Variants in GTF2A1 observed in about 807,000 individuals in gnomAD.
GTF2A1 encodes the protein general transcription factor IIA subunit 1.
In GTF2A1, 12 loss-of-function variants were observed where a neutral mutation model predicts 54.1. That is an observed-to-expected ratio of 0.22 (90% CI 0.14 to 0.36). The LOEUF is 0.36. Among genes scored for constraint, GTF2A1 ranks in the 10% least tolerant of loss-of-function variants. The probability of loss-of-function intolerance (pLI) is 1.00; values close to 1 mark genes in which losing one functional copy is unlikely to be tolerated. For missense variants in GTF2A1, 335 were observed against 442.2 expected (o/e 0.76, Z 2.17); for synonymous variants, 145 against 152.0 (o/e 0.95, Z 0.34).
At chr14:81,188,877 T>C (rs1351124058) in intron 7 of GTF2A1, among the ~76,000 whole-genome samples, 2 of 152,184 alleles carry the variant, frequency 1.3e-5, no homozygotes, top group Non-Finnish European at 2.9e-5. Context: ...AGGTCCCTAA[T>C]CCACTTTAAT....
At chr14:81,211,579 A>G (rs1357372059) in intron 2 of GTF2A1, among the ~76,000 whole-genome samples, 1 of 152,024 alleles carries the variant, frequency 6.6e-6, no homozygotes, top group Non-Finnish European at 1.5e-5. Context: ...TTAATCCCCA[A>G]GACCATGGAG....
rs1401756003 is a variant in GTF2A1 at position 81,175,964 on chromosome 14, T to C, written c.*4259A>G. ...CTAGTATTAATCATTTGTAACACAG[T>C]TTACTAATTCAAATTGACATCTCAA... is the stretch of plus-strand genomic sequence containing the variant. On this transcript the variant is annotated 3_prime_UTR_variant, in exon 9 of 9. Coordinates refer to ENST00000553612, the MANE Select transcript of GTF2A1 (RefSeq NM_015859.4). 1.3e-5 allele frequency: 2 copies of C among 152,190 alleles called. No homozygotes were observed. Among genetic ancestry groups the C allele is most frequent in the Admixed American group, 1.3e-4 (2 of 15,278 alleles). 9.4% of individuals were successfully genotyped at this position (152,190 alleles called of 1,614,324 possible). A position where few individuals can be genotyped will look rare whatever the true frequency, so the allele number is the denominator to read the frequency against.
At position 81,178,375 on chromosome 14, in the gene GTF2A1, T is replaced by C. The variant is rs1892570871; in HGVS notation, c.*1848A>G. ...CCTCCCATTTCCTCTTCTCTCAGTCTTAATAATATATATTTTAAAACCTCT... is the reference window on the plus strand; with the variant it reads ...CCTCCCATTTCCTCTTCTCTCAGTCCTAATAATATATATTTTAAAACCTCT... On this transcript the variant is annotated 3_prime_UTR_variant, in exon 9 of 9. Coordinates refer to ENST00000553612, the MANE Select transcript of GTF2A1 (RefSeq NM_015859.4). 2 of 152,180 alleles carry C rather than the reference T, an allele frequency of 1.3e-5. No individual in the cohort carries two copies. Among genetic ancestry groups the C allele is most frequent in the Admixed American group, 1.3e-4 (2 of 15,264 alleles). 9.4% of individuals were successfully genotyped at this position (152,180 alleles called of 1,614,324 possible).
chr14:81,193,992 A>G (rs907800608), intron 6 of GTF2A1, among the ~76,000 whole-genome samples: 1 of 152,234 alleles, frequency 6.6e-6, no homozygotes, highest in Non-Finnish European at 1.5e-5. Flanking sequence ...AACACAAGAG[A>G]GTGTACCAAA....
At chr14:81,203,410 T>C (rs905995607) in intron 3 of GTF2A1, among the ~76,000 whole-genome samples, 5 of 152,214 alleles carry the variant, frequency 3.3e-5, no homozygotes, top group African/African-American at 7.2e-5. Context: ...AATTTTCAGA[T>C]TGCCAAAGTA....
intron 1 of GTF2A1, among the ~76,000 whole-genome samples, chr14:81,218,366 A>G (rs1893533293): frequency 6.6e-6 from 1 of 152,204 alleles, no homozygotes; most frequent in Non-Finnish European, 1.5e-5. Flanking sequence ...TGACCACTTA[A>G]CAGCTTCATA....
chr14:81,207,383 C>T (rs188231166), intron 2 of GTF2A1, among the ~76,000 whole-genome samples: 1 of 152,088 alleles, frequency 6.6e-6, no homozygotes, highest in South Asian at 2.1e-4. Flanking sequence ...GCTGCCAACA[C>T]GTAAGAAGAG....
At chr14:81,195,011 G>A (rs12880049) in intron 6 of GTF2A1, among the ~76,000 whole-genome samples, 2,125 of 151,962 alleles carry the variant, frequency 0.014, 17 homozygotes, top group Middle Eastern at 0.02. Flanking sequence ...ACAGTGGTGC[G>A]TGCCACTAAT....
intron 2 of GTF2A1, among the ~76,000 whole-genome samples, chr14:81,210,150 TGG>T (rs1893330894): frequency 6.6e-6 from 1 of 152,216 alleles, no homozygotes; most frequent in African/African-American, 2.4e-5. Context: ...CCAACAGCTT[TGG>T]GAGAGGCGGG....
intron 7 of GTF2A1, among the ~76,000 whole-genome samples, chr14:81,190,342 C>A (rs1381010888): frequency 6.7e-6 from 1 of 149,578 alleles, no homozygotes; most frequent in Non-Finnish European, 1.5e-5. Context: ...TAACTGAAAA[C>A]CTTGTAAGAA....
At chr14:81,189,803 A>C (rs150002601) in intron 7 of GTF2A1, among the ~76,000 whole-genome samples, 3 of 152,324 alleles carry the variant, frequency 2.0e-5, no homozygotes, top group Non-Finnish European at 4.4e-5. Context: ...TTCTTTTCAA[A>C]GCATATACAA....
At chr14:81,208,337 C>T (rs2140035617) in intron 2 of GTF2A1, among the ~76,000 whole-genome samples, 1 of 152,294 alleles carries the variant, frequency 6.6e-6, no homozygotes, top group Admixed American at 6.5e-5. Flanking sequence ...TGGTGTTGAG[C>T]CTGCAGGTGC....
At chr14:81,203,775 TTTA>T (rs1761586929) in intron 3 of GTF2A1, 122 bp downstream of exon 3, 4 of 756,144 alleles carry the variant, frequency 5.3e-6, no homozygotes, top group Non-Finnish European at 8.8e-6. Flanking sequence ...GGGGTTTTTG[TTTA>T]TTTTTAGGTT....
intron 1 of GTF2A1, among the ~76,000 whole-genome samples, chr14:81,219,642 CATAAAA>C (rs1280140986): frequency 6.6e-6 from 1 of 152,172 alleles, no homozygotes. Flanking sequence ...TTATTGTCAT[CATAAAA>C]ATAAGAGTTG....
chr14:81,205,902 CATT>C (rs1434394653), intron 2 of GTF2A1, among the ~76,000 whole-genome samples: 1 of 152,168 alleles, frequency 6.6e-6, no homozygotes, highest in Admixed American at 6.5e-5. Flanking sequence ...AAATAAAACA[CATT>C]ATGACTAATG....
At chr14:81,205,321 T>C (rs1197835122) in intron 2 of GTF2A1, among the ~76,000 whole-genome samples, 1 of 152,128 alleles carries the variant, frequency 6.6e-6, no homozygotes, top group Non-Finnish European at 1.5e-5. Flanking sequence ...CATTCTAGAT[T>C]TGTTGTCATG....
rs1892588980 is a variant in GTF2A1, at chr14:81,179,168, T to C, written c.*1055A>G. The stretch of plus-strand genomic sequence containing the variant: ...ATTTTAAAAACTTGTTGAATTAGAA[T>C]AGATTTTTAAAATTCTTTACTAGTA... On this transcript the variant is annotated 3_prime_UTR_variant, in exon 9 of 9. Transcript: ENST00000553612. 1 of 152,218 alleles carries C rather than the reference T, an allele frequency of 6.6e-6. No individual in the cohort carries two copies. Among genetic ancestry groups the C allele is most frequent in the Non-Finnish European group, 1.5e-5 (1 of 68,036 alleles). 9.4% of individuals were successfully genotyped at this position (152,218 alleles called of 1,614,324 possible). A position where few individuals can be genotyped will look rare whatever the true frequency, so the allele number is the denominator to read the frequency against.
In GTF2A1 at chr14:81,197,422, T is replaced by C; in HGVS notation, c.465A>G (p.Ile155Met). 2 of 1,551,564 alleles carry C rather than the reference T, an allele frequency of 1.3e-6. No homozygotes were observed. Among genetic ancestry groups the C allele is most frequent in the Non-Finnish European group, 1.8e-6 (2 of 1,128,294 alleles). Residue 155 changes from isoleucine to methionine, a missense_variant, in exon 5 of 9, where the codon ATA becomes ATG. Physicochemically the swap from Ile to Met is conservative, Grantham distance 10. This residue lies in a region of GTF2A1 where 306 missense variants were observed against 360.4 expected (regional missense o/e 0.85). Coordinates refer to ENST00000553612, the MANE Select transcript of GTF2A1 (RefSeq NM_015859.4). ...LPAGVTPVQQ[I>M]LTNSGQLLQV... The stretch of plus-strand genomic sequence containing the variant: ...ATTCCTAATTACCTGAATTTGTTAA[T>C]ATCTGCTGAACAGGAGTCACACCTG...
chr14:81,220,550 C>T lies in GTF2A1; in HGVS notation c.-32G>A, dbSNP rs369563792. 57 of 1,537,840 alleles carry T rather than the reference C, an allele frequency of 3.7e-5. No homozygotes were observed. In the East Asian group the frequency reaches 7.7e-4, roughly 21 times the overall value. ...ACACAACACAAACAAGAGGGGGCAA[C>T]CCCAAGAAAACAAGATAAAAACAAA... On this transcript the variant is annotated 5_prime_UTR_variant, in exon 1 of 9. Coordinates refer to ENST00000553612, the MANE Select transcript of GTF2A1 (RefSeq NM_015859.4).
Sources: gnomAD v4.1 joint callset for allele counts (sites outside exome capture counted in the v4.1 genomes callset) on GRCh38, gnomAD v4.1.1 for gene constraint, gnomAD v4.1.1 regional missense constraint, MANE v1.5 for transcripts, NCBI Gene and HGNC (gene_info 2026-07-23, HGNC 2026-07-21) for gene names.